NLGN1: variants seen among roughly 807,000 people sequenced by gnomAD.
NLGN1 encodes neuroligin 1, also known as neuroligin-1.
Under a neutral mutation model 65.5 loss-of-function variants are expected in NLGN1, and 12 were observed. The ratio of observed to expected loss-of-function variants is 0.18; its 90% CI spans 0.12 to 0.30. The LOEUF is 0.30. Among genes scored for constraint, NLGN1 ranks in the 10% least tolerant of loss-of-function variants. The pLI, the probability that NLGN1 is intolerant of heterozygous loss-of-function variation, is 1.00. For missense variants in NLGN1, 750 were observed against 1,007.1 expected (o/e 0.74, Z 3.46); for synonymous variants, 350 against 359.5 (o/e 0.97, Z 0.30).
intron 4 of NLGN1, among the ~76,000 whole-genome samples, chr3:174,034,758 A>C (rs1307994021): frequency 6.6e-6 from 1 of 152,188 alleles, no homozygotes; most frequent in East Asian, 1.9e-4. Flanking sequence ...TGCAGAAAAA[A>C]TTTGAGGAAG....
At chr3:173,427,482 A>G (rs1368395926) in intron 1 of NLGN1, among the ~76,000 whole-genome samples, 2 of 151,808 alleles carry the variant, frequency 1.3e-5, no homozygotes, top group Admixed American at 6.6e-5. Context: ...TACTTTTGCT[A>G]TACTGCATAG....
chr3:173,586,983 G>A (rs893636970), intron 2 of NLGN1, among the ~76,000 whole-genome samples: 2 of 152,194 alleles, frequency 1.3e-5, no homozygotes, highest in African/African-American at 4.8e-5. Context: ...AAGTAATGAA[G>A]GTGAGTGGTA....
At chr3:174,144,235 C>G (rs1722796741) in intron 4 of NLGN1, among the ~76,000 whole-genome samples, 1 of 152,074 alleles carries the variant, frequency 6.6e-6, no homozygotes, top group Non-Finnish European at 1.5e-5. Context: ...TCCCTGCAAA[C>G]AACATGAACT....
chr3:173,996,772 T>C (rs1184496787), intron 4 of NLGN1, among the ~76,000 whole-genome samples: 1 of 152,186 alleles, frequency 6.6e-6, no homozygotes, highest in Non-Finnish European at 1.5e-5. Flanking sequence ...AAGGGGAAAT[T>C]ATAAAGAAGA....
intron 4 of NLGN1, among the ~76,000 whole-genome samples, chr3:173,959,240 G>T (rs1712936332): frequency 6.6e-6 from 1 of 152,226 alleles, no homozygotes; most frequent in East Asian, 1.9e-4. Context: ...GCTCCTACCT[G>T]CTCTGTGGAG....
At chr3:174,135,763 T>A (rs1422743287) in intron 4 of NLGN1, among the ~76,000 whole-genome samples, 1 of 152,162 alleles carries the variant, frequency 6.6e-6, no homozygotes, top group Non-Finnish European at 1.5e-5. Flanking sequence ...TACTGCTATG[T>A]ACGTGAGACA....
chr3:173,736,089 G>A (rs1184225418), intron 3 of NLGN1, among the ~76,000 whole-genome samples: 1 of 152,032 alleles, frequency 6.6e-6, no homozygotes, highest in Non-Finnish European at 1.5e-5. Context: ...CAGACTGAAG[G>A]AAGTGGATGC....
At chr3:174,281,466 A>C (rs577169848) in exon 7 of NLGN1, 43 of 547,306 alleles carry the variant, frequency 7.9e-5, no homozygotes, top group Non-Finnish European at 1.3e-4. Flanking sequence ...TGAATTGTAT[A>C]TATACAAATC....
At chr3:174,248,469 G>A (rs2152839515) in intron 4 of NLGN1, among the ~76,000 whole-genome samples, 1 of 152,238 alleles carries the variant, frequency 6.6e-6, no homozygotes, top group South Asian at 2.1e-4. Flanking sequence ...ACTAAATATG[G>A]ACTGTATAGG....
chr3:174,082,561 T>C (rs1254215842), intron 4 of NLGN1, among the ~76,000 whole-genome samples: 2 of 151,644 alleles, frequency 1.3e-5, no homozygotes, highest in Non-Finnish European at 2.9e-5. Context: ...GTAAATAGAA[T>C]ATATACAATA....
chr3:174,046,425 T>C (rs1375825933), intron 4 of NLGN1, among the ~76,000 whole-genome samples: 1 of 152,004 alleles, frequency 6.6e-6, no homozygotes, highest in African/African-American at 2.4e-5. Flanking sequence ...CTCTTGTAGC[T>C]CTACATTAGT....
chr3:173,746,735 G>C (rs988669537), intron 3 of NLGN1, among the ~76,000 whole-genome samples: 4 of 151,954 alleles, frequency 2.6e-5, no homozygotes, highest in Non-Finnish European at 5.9e-5. Flanking sequence ...TAATCTCCAT[G>C]AAACAGGAAT....
chr3:173,520,731 G>A (rs1734611992), intron 2 of NLGN1, among the ~76,000 whole-genome samples: 1 of 152,160 alleles, frequency 6.6e-6, no homozygotes, highest in Admixed American at 6.6e-5. Context: ...ACAACTGGGT[G>A]GAGTTTGTTA....
rs760098950 is a variant in NLGN1, at chr3:173,619,571, AACTT to A, written c.493+14486_493+14489del. Among the ~76,000 whole-genome samples the A allele has an allele frequency of 5.9e-5, 9 of 152,304 alleles. No homozygotes were observed. The South Asian group carries it at 1.2e-3, about 21-fold the overall frequency. ...CATTGTTTTAATGGCTTTATATATT[AACTT>A]ACTTAATCTTCACAATAAACTTATG... On this transcript the variant is annotated intron_variant, in intron 3 of 6. Transcript: ENST00000457714.
chr3:173,661,110 G>T lies in NLGN1; in HGVS notation c.493+56019G>T, dbSNP rs77985039. 3.9e-5 allele frequency among the ~76,000 whole-genome samples: 6 copies of T among 152,076 alleles called. No homozygotes were observed. In the East Asian group the frequency reaches 7.7e-4, roughly 20 times the overall value. ...ATGCCTTTCATTCTGTGTGTTAGCG[G>T]CAGAGATGGAGGGAAATGAACTAAT... On this transcript the variant is annotated intron_variant, in intron 3 of 6. Transcript: ENST00000457714.
Position 173,420,979 on chromosome 3 carries a change from G to A in NLGN1, c.-389-14031G>A, listed in dbSNP as rs533007957. Among the ~76,000 whole-genome samples the A allele has an allele frequency of 2.0e-5, 3 of 152,092 alleles. No homozygotes were observed. The South Asian group carries it at 6.2e-4, about 32-fold the overall frequency. On this transcript the variant is annotated intron_variant, in intron 1 of 6. Coordinates refer to ENST00000457714, the Ensembl canonical transcript of NLGN1. The stretch of plus-strand genomic sequence containing the variant: ...ACTTTTCTAATATCAGGTAGTACAA[G>A]CCCTGTGCATTAATTACTCTTCTTT...
intron 2 of NLGN1, among the ~76,000 whole-genome samples, chr3:173,495,168 C>T (rs1472034584): frequency 6.6e-6 from 1 of 151,724 alleles, no homozygotes; most frequent in East Asian, 1.9e-4. Flanking sequence ...TTTCTCTCAG[C>T]AATGCTTTTA....
intron 4 of NLGN1, among the ~76,000 whole-genome samples, chr3:173,896,022 C>T (rs1046192778): frequency 6.6e-6 from 1 of 152,100 alleles, no homozygotes; most frequent in Non-Finnish European, 1.5e-5. Flanking sequence ...CTATACTTTT[C>T]CTATCAACTT....
intron 4 of NLGN1, among the ~76,000 whole-genome samples, chr3:174,241,152 A>G (rs1742730515): frequency 6.6e-6 from 1 of 152,212 alleles, no homozygotes; most frequent in Non-Finnish European, 1.5e-5. Context: ...CTACTAGAAA[A>G]ACAGAGAAGA....
Sources: allele counts gnomAD v4.1 joint callset (sites outside exome capture counted in the v4.1 genomes callset), GRCh38; gene constraint gnomAD v4.1.1; transcripts MANE v1.5; gene names NCBI Gene and HGNC (gene_info 2026-07-23, HGNC 2026-07-21).